The following ARHGEF28 variants were observed in gnomAD, a reference collection of about 807,000 sequenced individuals.
The protein encoded by ARHGEF28 is 190 kDa guanine nucleotide exchange factor.
In ARHGEF28, 152 loss-of-function variants were observed where a neutral mutation model predicts 206.6. The observed-to-expected ratio is 0.74, with a 90% confidence interval of 0.64 to 0.84. The LOEUF is 0.84. Ranked by LOEUF, ARHGEF28 falls within the 40% of genes least tolerant of loss-of-function variation. The pLI is 0.00. For synonymous variants in ARHGEF28, 763 were observed against 776.4 expected (o/e 0.98, Z 0.29); for missense variants, 2,028 against 2,073.2 (o/e 0.98, Z 0.42).
chr5:73,893,156 A>T (rs952159817), intron 27 of ARHGEF28, 41 bp from the exon 28 acceptor site: 1 of 1,465,126 alleles, frequency 6.8e-7, no homozygotes, highest in Non-Finnish European at 9.2e-7. Context: ...AGATACTTGC[A>T]TTTGGTTTCA....
At chr5:73,739,372 A>G (rs1247825377) in intron 2 of ARHGEF28, among the ~76,000 whole-genome samples, 1 of 152,208 alleles carries the variant, frequency 6.6e-6, no homozygotes. Flanking sequence ...TTTAAATGGA[A>G]TGTTTATGAA....
chr5:73,696,736 C>G (rs1317170176), intron 2 of ARHGEF28, among the ~76,000 whole-genome samples: 1 of 152,212 alleles, frequency 6.6e-6, no homozygotes, highest in Non-Finnish European at 1.5e-5. Flanking sequence ...TTTTCCAACA[C>G]TAGTTTAGTG....
intron 22 of ARHGEF28, among the ~76,000 whole-genome samples, chr5:73,875,720 A>G (rs1344415555): frequency 5.3e-5 from 8 of 151,424 alleles, no homozygotes; most frequent in Non-Finnish European, 1.0e-4. Context: ...GTCAAAGATC[A>G]GATAGTTGTA....
At chr5:73,892,970 T>C (rs1761736281) in intron 27 of ARHGEF28, among the ~76,000 whole-genome samples, 1 of 152,206 alleles carries the variant, frequency 6.6e-6, no homozygotes. Context: ...ACTGGAATAT[T>C]TGAGTCATCC....
intron 1 of ARHGEF28, among the ~76,000 whole-genome samples, chr5:73,666,867 A>G (rs890793485): frequency 6.6e-6 from 1 of 152,224 alleles, no homozygotes; most frequent in East Asian, 1.9e-4. Flanking sequence ...AAACATGAGC[A>G]TGCACAGTTG....
intron 9 of ARHGEF28, among the ~76,000 whole-genome samples, chr5:73,810,293 G>A (rs898009364): frequency 2.0e-5 from 3 of 152,172 alleles, no homozygotes; most frequent in Non-Finnish European, 4.4e-5. Flanking sequence ...TGTCAGTTGG[G>A]TGTCTCACAT....
chr5:73,687,589 A>G (rs1747550519), intron 2 of ARHGEF28, among the ~76,000 whole-genome samples: 1 of 152,106 alleles, frequency 6.6e-6, no homozygotes. Context: ...AGCAGACTCA[A>G]AACTGTCCTA....
intron 1 of ARHGEF28, among the ~76,000 whole-genome samples, chr5:73,628,819 C>T (rs189734619): frequency 1.3e-5 from 2 of 152,160 alleles, no homozygotes; most frequent in Admixed American, 1.3e-4. Context: ...ATTTTTCTTG[C>T]TTAAGAAGTG....
At chr5:73,742,942 T>G (rs1435732688) in intron 2 of ARHGEF28, among the ~76,000 whole-genome samples, 3 of 152,200 alleles carry the variant, frequency 2.0e-5, no homozygotes, top group Non-Finnish European at 4.4e-5. Flanking sequence ...TCTACAGATA[T>G]TTTAAACTCC....
chr5:73,887,504 A>C (rs560771622), intron 25 of ARHGEF28, 99 bp from the exon 26 acceptor site: 176 of 918,300 alleles, frequency 1.9e-4, no homozygotes, highest in Non-Finnish European at 2.6e-4. Context: ...TTTTTATAAA[A>C]CTTTCATACT....
At chr5:73,895,316 G>A (rs1288565436) in intron 29 of ARHGEF28, among the ~76,000 whole-genome samples, 2 of 152,254 alleles carry the variant, frequency 1.3e-5, no homozygotes, top group Admixed American at 6.5e-5. Context: ...AGGCCAGGGT[G>A]GTGGAAGGAC....
intron 24 of ARHGEF28, among the ~76,000 whole-genome samples, chr5:73,884,374 A>G (rs542451441): frequency 2.6e-4 from 40 of 152,346 alleles, no homozygotes; most frequent in Non-Finnish European, 5.0e-4. Flanking sequence ...ATGAATGCAC[A>G]TGGCTGGTCT....
At chr5:73,657,775 C>T (rs1232239550) in intron 1 of ARHGEF28, among the ~76,000 whole-genome samples, 2 of 152,166 alleles carry the variant, frequency 1.3e-5, no homozygotes, top group African/African-American at 4.8e-5. Context: ...CCTTTGGCTA[C>T]TGGTCATATT....
chr5:73,794,465 A>T lies in ARHGEF28; in HGVS notation c.963+11A>T, dbSNP rs750326590. 2 of 1,582,750 alleles carry T rather than the reference A, an allele frequency of 1.3e-6. No individual in the cohort carries two copies. Among genetic ancestry groups the T allele is most frequent in the South Asian group, 2.3e-5 (2 of 86,398 alleles). On this transcript the variant is annotated intron_variant, in intron 8 of 35. Coordinates refer to ENST00000513042, the MANE Select transcript of ARHGEF28 (RefSeq NM_001177693.2). ...AAGGAAGATATAAAGGTAATGAATG[A>T]CTCCCTGCTTCTTTCTTTGCACGTC...
At chr5:73,936,653 T>G (rs1764435583) in intron 35 of ARHGEF28, among the ~76,000 whole-genome samples, 1 of 152,192 alleles carries the variant, frequency 6.6e-6, no homozygotes, top group South Asian at 2.1e-4. Context: ...TTGCCTGAGA[T>G]TACATTTTAC....
chr5:73,853,982 C>T (rs1157693114), intron 14 of ARHGEF28, among the ~76,000 whole-genome samples: 1 of 152,150 alleles, frequency 6.6e-6, no homozygotes, highest in African/African-American at 2.4e-5. Context: ...TTGATGGCAT[C>T]TTTATGAAGT....
chr5:73,922,948 G>A (rs1763598470), intron 35 of ARHGEF28: 5 of 761,602 alleles, frequency 6.6e-6, no homozygotes, highest in Middle Eastern at 4.7e-4. Context: ...CATAAGCCCT[G>A]AAAAATACCA....
chr5:73,824,279 G>A (rs920612246), intron 9 of ARHGEF28, among the ~76,000 whole-genome samples: 1 of 152,166 alleles, frequency 6.6e-6, no homozygotes, highest in Non-Finnish European at 1.5e-5. Context: ...CAATCTGTTT[G>A]TAGCTGAGAC....
intron 9 of ARHGEF28, chr5:73,813,715 G>C (rs1277877629): frequency 1.3e-5 from 20 of 1,514,042 alleles, no homozygotes; most frequent in African/African-American, 2.8e-5. Flanking sequence ...GGCAAAACCA[G>C]ACATCCTATT....
Sources: gnomAD v4.1 joint callset for allele counts (sites outside exome capture counted in the v4.1 genomes callset) on GRCh38, gnomAD v4.1.1 for gene constraint, MANE v1.5 for transcripts, NCBI Gene and HGNC (gene_info 2026-07-23, HGNC 2026-07-21) for gene names.